XPO7: variants seen among roughly 807,000 people sequenced by gnomAD.
XPO7 encodes exportin 7.
A neutral mutation model predicts 144.3 loss-of-function variants in XPO7; 21 were observed. That is an observed-to-expected ratio of 0.15 (90% confidence interval 0.10 to 0.21). The LOEUF (loss-of-function observed/expected upper bound fraction) is 0.21, where lower values mean the gene tolerates loss of function less well. Among genes scored for constraint, XPO7 ranks in the 10% least tolerant of loss-of-function variants. XPO7 has a pLI of 1.00. For missense variants in XPO7, 808 were observed against 1,325.8 expected (o/e 0.61, Z 6.06); for synonymous variants, 580 against 499.6 (o/e 1.16, Z -2.15).
chr8:21,988,686 T>G (rs1333620310), intron 15 of XPO7: 1 of 314,586 alleles, frequency 3.2e-6, no homozygotes, highest in African/African-American at 2.2e-5. Context: ...CGTCTGCATG[T>G]TATCACTGCC....
intron 1 of XPO7, among the ~76,000 whole-genome samples, chr8:21,959,198 C>A (rs1367240809): frequency 6.6e-6 from 1 of 152,120 alleles, no homozygotes; most frequent in Non-Finnish European, 1.5e-5. Flanking sequence ...ATGCCCCTGG[C>A]CCTACAGGGG....
At chr8:22,004,969 C>T (rs199695801) in intron 27 of XPO7, 26 bp from the exon 28 acceptor site, 1 of 1,517,394 alleles carries the variant, frequency 6.6e-7, no homozygotes, top group Non-Finnish European at 9.0e-7. Flanking sequence ...CTCTCCTCCC[C>T]CAACCCACAT....
At chr8:21,962,983 G>C (rs1811772549) in intron 1 of XPO7, among the ~76,000 whole-genome samples, 2 of 152,118 alleles carry the variant, frequency 1.3e-5, no homozygotes, top group Admixed American at 1.3e-4. Context: ...ACTCAACACA[G>C]TGTTTCCCAG....
chr8:21,942,298 T>G (rs1444573865), intron 1 of XPO7, among the ~76,000 whole-genome samples: 1 of 152,224 alleles, frequency 6.6e-6, no homozygotes, highest in African/African-American at 2.4e-5. Flanking sequence ...CAAAGAGCTT[T>G]TATGTGGCTT....
chr8:21,966,374 C>T lies in XPO7; in HGVS notation c.19-483C>T, dbSNP rs565683949. 8.7e-5 allele frequency: 67 copies of T among 767,996 alleles called. 1 individual carries two copies. Among genetic ancestry groups the T allele is most frequent in the African/African-American group, 8.1e-4 (48 of 58,980 alleles). 47.6% of individuals were successfully genotyped at this position (767,996 alleles called of 1,614,324 possible). On this transcript the variant is annotated intron_variant, in intron 1 of 27. Transcript: ENST00000252512. The stretch of plus-strand genomic sequence containing the variant: ...TTTCTCGTACAGGTGACCATCTTTA[C>T]GCATATACATTATTGTAAGCTAATA...
At position 21,967,084 on chromosome 8, in the gene XPO7, G is replaced by A. The variant is rs375053163; in HGVS notation, c.165+81G>A. The A allele has an allele frequency of 6.6e-6, 10 of 1,512,186 alleles. No homozygotes were observed. The East Asian group carries it at 2.3e-4, about 35-fold the overall frequency. 93.7% of individuals were successfully genotyped at this position (1,512,186 alleles called of 1,614,324 possible). A position where few individuals can be genotyped will look rare whatever the true frequency, so the allele number is the denominator to read the frequency against. Reference sequence around the variant, plus strand: ...GGTTCTCTGTGTAGGAATGGCATGGGATGGCTTCTGTTCCCTGATTTTTCT... The same window carrying A: ...GGTTCTCTGTGTAGGAATGGCATGGAATGGCTTCTGTTCCCTGATTTTTCT... On this transcript the variant is annotated intron_variant, in intron 2 of 27. Transcript: ENST00000252512.
intron 1 of XPO7, among the ~76,000 whole-genome samples, chr8:21,920,556 C>A (rs748581855): frequency 6.6e-6 from 1 of 152,118 alleles, no homozygotes; most frequent in Non-Finnish European, 1.5e-5. Context: ...GGTCTTGATC[C>A]GGCTCAAGAG....
chr8:21,983,780 C>A (rs986867085), intron 11 of XPO7, among the ~76,000 whole-genome samples: 2 of 152,206 alleles, frequency 1.3e-5, no homozygotes, highest in African/African-American at 2.4e-5. Flanking sequence ...AAGGTTCTTA[C>A]AAGGATTAAA....
intron 1 of XPO7, among the ~76,000 whole-genome samples, chr8:21,928,961 A>G (rs892234391): frequency 2.0e-5 from 3 of 152,140 alleles, no homozygotes; most frequent in Middle Eastern, 3.2e-3. Context: ...TAGAGAAAAC[A>G]TTTGCAGACT....
intron 1 of XPO7, among the ~76,000 whole-genome samples, chr8:21,952,848 G>T (rs893437458): frequency 6.6e-6 from 1 of 152,174 alleles, no homozygotes; most frequent in African/African-American, 2.4e-5. Flanking sequence ...ATTAAATATT[G>T]GTTAGTAAAC....
chr8:21,976,333 T>G, intron 6 of XPO7, 23 bp from the exon 7 acceptor site: 1 of 1,607,960 alleles, frequency 6.2e-7, no homozygotes, highest in East Asian at 2.2e-5. Context: ...TTTTGGGGAC[T>G]CATTATGTGG....
intron 7 of XPO7, 145 bp downstream of exon 7, chr8:21,976,666 T>C: frequency 9.3e-7 from 1 of 1,069,692 alleles, no homozygotes; most frequent in Non-Finnish European, 1.3e-6. Context: ...GTTTGTTTGT[T>C]TTTTAAAGAC....
intron 1 of XPO7, among the ~76,000 whole-genome samples, chr8:21,920,034 G>A (rs936786167): frequency 2.6e-5 from 4 of 151,384 alleles, no homozygotes; most frequent in African/African-American, 9.7e-5. Flanking sequence ...GGACAGGAAC[G>A]GGCATCCCGG....
chr8:21,925,320 C>G (rs1810425173), intron 1 of XPO7, among the ~76,000 whole-genome samples: 1 of 152,216 alleles, frequency 6.6e-6, no homozygotes, highest in South Asian at 2.1e-4. Context: ...CACACACACA[C>G]TCCTACTGCC....
rs150659728 is a variant in XPO7 at position 21,921,969 on chromosome 8, G to A, written c.18+2181G>A. 6.0e-3 allele frequency among the ~76,000 whole-genome samples: 909 copies of A among 152,222 alleles called. 1 individual carries two copies. Among genetic ancestry groups the A allele is most frequent in the Non-Finnish European group, 9.7e-3 (663 of 68,000 alleles). Reference sequence around the variant, plus strand: ...AAACCTTCTTATGAAAAAGATACACGCTTCCCTAGGTATAATGAGTAAATA... The same window carrying A: ...AAACCTTCTTATGAAAAAGATACACACTTCCCTAGGTATAATGAGTAAATA... On this transcript the variant is annotated intron_variant, in intron 1 of 27. Coordinates refer to ENST00000252512, the MANE Select transcript of XPO7 (RefSeq NM_015024.5).
chr8:21,998,666 C>T, intron 21 of XPO7, 89 bp from the exon 22 acceptor site: 1 of 1,036,604 alleles, frequency 9.6e-7, no homozygotes, highest in Non-Finnish European at 1.5e-6. Context: ...AATGCAGGAT[C>T]ACCCAAGGTA....
At chr8:21,937,043 A>C (rs1217054379) in intron 1 of XPO7, among the ~76,000 whole-genome samples, 1 of 152,188 alleles carries the variant, frequency 6.6e-6, no homozygotes, top group Non-Finnish European at 1.5e-5. Flanking sequence ...TCAGACTTTG[A>C]CTAATCTGTT....
At chr8:21,970,696 T>C (rs190085538) in intron 4 of XPO7, among the ~76,000 whole-genome samples, 51 of 152,328 alleles carry the variant, frequency 3.3e-4, no homozygotes, top group Non-Finnish European at 4.0e-4. Context: ...TGGAAAGATA[T>C]TTCCAAGTTA....
chr8:21,981,496 CAT>C (rs1010984306), intron 9 of XPO7, among the ~76,000 whole-genome samples: 25 of 152,286 alleles, frequency 1.6e-4, no homozygotes, highest in African/African-American at 6.0e-4. Context: ...AATGTCATCT[CAT>C]GTGATTATTA....
Sources: gnomAD v4.1 joint callset for allele counts (sites outside exome capture counted in the v4.1 genomes callset) on GRCh38, gnomAD v4.1.1 for gene constraint, MANE v1.5 for transcripts, NCBI Gene and HGNC (gene_info 2026-07-23, HGNC 2026-07-21) for gene names.